Variants in LTBP1 observed in about 807,000 individuals in gnomAD.
LTBP1 encodes latent transforming growth factor beta binding protein 1, also known as latent-transforming growth factor beta-binding protein 1.
A neutral mutation model predicts 207.6 loss-of-function variants in LTBP1; 129 were observed. The observed-to-expected ratio is 0.62, with a 90% CI of 0.54 to 0.72. LTBP1 has a LOEUF of 0.72. LTBP1 is among the 30% of genes least tolerant of loss of function. The pLI is 0.00. For synonymous variants in LTBP1, 963 were observed against 833.7 expected (o/e 1.16, Z -2.67); for missense variants, 2,281 against 2,217.2 (o/e 1.03, Z -0.58).
intron 3 of LTBP1, among the ~76,000 whole-genome samples, chr2:33,086,010 TG>T (rs1337309603): frequency 1.3e-5 from 2 of 152,162 alleles, no homozygotes; most frequent in Non-Finnish European, 2.9e-5. Context: ...TCCCAACAGG[TG>T]GACTGAACAT....
At chr2:32,957,407 T>A (rs563618352) in intron 2 of LTBP1, among the ~76,000 whole-genome samples, 22 of 152,272 alleles carry the variant, frequency 1.4e-4, no homozygotes, top group Non-Finnish European at 2.6e-4. Context: ...GGGTTATTAA[T>A]TAGCCTGATT....
At chr2:33,052,986 T>G (rs767521608) in intron 3 of LTBP1, among the ~76,000 whole-genome samples, 5 of 152,072 alleles carry the variant, frequency 3.3e-5, no homozygotes, top group Non-Finnish European at 5.9e-5. Context: ...GCGATTCTCT[T>G]GCGTCAGCCT....
chr2:33,177,375 C>T (rs1040348300), intron 5 of LTBP1, among the ~76,000 whole-genome samples: 2 of 152,146 alleles, frequency 1.3e-5, no homozygotes, highest in Admixed American at 6.5e-5. Flanking sequence ...CAAGGCTGAG[C>T]GTGGTGGCTC....
At chr2:33,396,459 C>A (rs756061150) in intron 32 of LTBP1, among the ~76,000 whole-genome samples, 1 of 152,126 alleles carries the variant, frequency 6.6e-6, no homozygotes, top group Non-Finnish European at 1.5e-5. Flanking sequence ...TGGCCTCAGG[C>A]GATCTGCCCG....
At chr2:33,087,573 A>G (rs2078836317) in intron 3 of LTBP1, among the ~76,000 whole-genome samples, 1 of 152,126 alleles carries the variant, frequency 6.6e-6, no homozygotes, top group Non-Finnish European at 1.5e-5. Context: ...GAGGCCAGAA[A>G]TCTCTGATTT....
At chr2:33,232,640 A>T (rs2091852642) in intron 9 of LTBP1, among the ~76,000 whole-genome samples, 1 of 152,168 alleles carries the variant, frequency 6.6e-6, no homozygotes, top group African/African-American at 2.4e-5. Flanking sequence ...ACCCAGTTAA[A>T]TTTGAATTTC....
At chr2:33,331,850 AT>A (rs1399478804) in intron 24 of LTBP1, among the ~76,000 whole-genome samples, 1 of 151,958 alleles carries the variant, frequency 6.6e-6, no homozygotes, top group South Asian at 2.1e-4. Flanking sequence ...TTTTATGTGT[AT>A]TTTTTTGTTT....
intron 31 of LTBP1, among the ~76,000 whole-genome samples, chr2:33,367,184 C>G (rs1004994055): frequency 2.6e-5 from 4 of 151,324 alleles, no homozygotes; most frequent in African/African-American, 9.7e-5. Flanking sequence ...CTAAGCTACA[C>G]TTTGCTTGTT....
In LTBP1 at chr2:33,246,479, G is replaced by A. The variant is rs73927054; in HGVS notation, c.1999+2695G>A. On this transcript the variant is annotated intron_variant, in intron 10 of 33. Transcript: ENST00000404816. ...GACTGGAGATCACACACACGCACACGCACACACACACACACAGACACACAC... is the reference window on the plus strand; with the variant it reads ...GACTGGAGATCACACACACGCACACACACACACACACACACAGACACACAC... Among the ~76,000 whole-genome samples, 173 of 147,202 alleles carry A rather than the reference G, an allele frequency of 1.2e-3. 1 individual carries two copies. The highest frequency in any genetic ancestry group is 3.8e-3 in the African/African-American group (144 of 38,114).
intron 18 of LTBP1, among the ~76,000 whole-genome samples, chr2:33,277,178 T>A (rs77008556): frequency 0.028 from 4,249 of 152,222 alleles, 87 homozygotes; most frequent in South Asian, 0.065. Flanking sequence ...TAATTAGACA[T>A]TTTTTGGCAG....
At chr2:33,264,886 A>G (rs2093131279) in intron 15 of LTBP1, among the ~76,000 whole-genome samples, 1 of 152,176 alleles carries the variant, frequency 6.6e-6, no homozygotes, top group African/African-American at 2.4e-5. Flanking sequence ...TTCCAGGCCA[A>G]GGAAGGCTGG....
chr2:33,256,641 A>G (rs953689388), intron 11 of LTBP1, among the ~76,000 whole-genome samples: 2 of 149,812 alleles, frequency 1.3e-5, no homozygotes, highest in East Asian at 1.9e-4. Context: ...TCTTCTATAT[A>G]TAAAATATCT....
intron 3 of LTBP1, among the ~76,000 whole-genome samples, chr2:33,066,108 A>G (rs1213462929): frequency 6.6e-6 from 1 of 152,140 alleles, no homozygotes; most frequent in Non-Finnish European, 1.5e-5. Context: ...ATACCAACCT[A>G]TAATCAATAT....
Position 33,262,728 on chromosome 2 carries a change from C to A in LTBP1, c.2425C>A (p.Pro809Thr). 3.2e-6 allele frequency: 5 copies of A among 1,576,164 alleles called. No homozygotes were observed. The highest frequency in any genetic ancestry group is 1.7e-5 in the Admixed American group (1 of 58,196). Reference sequence around the variant, plus strand: ...TTAAAATACAACCATCCAGGAAATACCTTCATTGGATCAAGAGAAAACCAA... The same window carrying A: ...TTAAAATACAACCATCCAGGAAATAACTTCATTGGATCAAGAGAAAACCAA... ...VATAPPEKEI[P>T]SLDQEKTKLE... is the part of the protein sequence containing the mutation. The change falls in exon 14 of 34, where the codon CCT (proline) becomes ACT (threonine). Residue 809 changes from proline (P) to threonine (T), a missense_variant. This residue lies in a region of LTBP1 where 1,671 missense variants were observed against 1,634.8 expected (regional missense o/e 1.02). Transcript: ENST00000404816.
intron 3 of LTBP1, among the ~76,000 whole-genome samples, chr2:33,102,507 G>C (rs218217): frequency 0.78 from 118,168 of 152,112 alleles, 46,927 homozygotes; most frequent in Non-Finnish European, 0.87. Flanking sequence ...ACTAAAAATC[G>C]CTTATTTTCT....
intron 3 of LTBP1, among the ~76,000 whole-genome samples, chr2:33,088,927 G>A (rs954066437): frequency 4.6e-5 from 7 of 151,846 alleles, no homozygotes; most frequent in Admixed American, 1.3e-4. Context: ...AGGCCGAGGC[G>A]GGCAGATCAC....
chr2:33,229,207 T>C, intron 9 of LTBP1, among the ~76,000 whole-genome samples: 2 of 152,200 alleles, frequency 1.3e-5, no homozygotes, highest in Non-Finnish European at 2.9e-5. Flanking sequence ...TAATGGCTCA[T>C]GCCTGTATTC....
In LTBP1 at chr2:33,399,431, CT is replaced by C. The variant is rs1243313831; in HGVS notation, c.*890del. On this transcript the variant is annotated 3_prime_UTR_variant, in exon 34 of 34. Transcript: ENST00000404816. ...TGTATCCCACTCTCCCCACTTTTAT[CT>C]TTTCCAGTGGTCTTCTGTTAATGTA... 6.6e-6 allele frequency: 1 copy of C among 152,186 alleles called. No homozygotes were observed. The highest frequency in any genetic ancestry group is 1.5e-5 in the Non-Finnish European group (1 of 68,022). The allele number at this position is 152,186 out of a possible 1,614,324, so 9.4% of individuals were successfully genotyped here.
intron 4 of LTBP1, among the ~76,000 whole-genome samples, chr2:33,133,562 A>G (rs2081949644): frequency 6.6e-6 from 1 of 152,126 alleles, no homozygotes; most frequent in African/African-American, 2.4e-5. Flanking sequence ...TTTGCCAGAG[A>G]GTTCAGGTTG....
Sources: allele counts gnomAD v4.1 joint callset (sites outside exome capture counted in the v4.1 genomes callset), GRCh38; gene constraint gnomAD v4.1.1; regional missense constraint gnomAD v4.1.1; transcripts MANE v1.5; gene names NCBI Gene and HGNC (gene_info 2026-07-23, HGNC 2026-07-21).